The following NFATC3 variants were observed in gnomAD, a reference collection of about 807,000 sequenced individuals.
NFATC3 encodes nuclear factor of activated T cells 3, also known as nuclear factor of activated T-cells, cytoplasmic 3.
In NFATC3, 46 loss-of-function variants were observed where a neutral mutation model predicts 98.6. The observed-to-expected ratio is 0.47, with a 90% confidence interval of 0.37 to 0.60. The LOEUF is 0.60. NFATC3 is among the 20% of genes least tolerant of loss of function. The pLI, the probability that NFATC3 is intolerant of heterozygous loss-of-function variation, is 0.00. For missense variants in NFATC3, 1,256 were observed against 1,295.5 expected (o/e 0.97, Z 0.47); for synonymous variants, 512 against 472.2 (o/e 1.08, Z -1.09).
chr16:68,141,940 A>G (rs1477212527), intron 3 of NFATC3, among the ~76,000 whole-genome samples: 1 of 152,090 alleles, frequency 6.6e-6, no homozygotes, highest in East Asian at 1.9e-4. Flanking sequence ...TTATGGTTTC[A>G]GGTCTTTTAA....
chr16:68,184,631 G>A (rs947319733), intron 8 of NFATC3, among the ~76,000 whole-genome samples: 14 of 151,896 alleles, frequency 9.2e-5, no homozygotes, highest in Non-Finnish European at 7.4e-5. Flanking sequence ...GTGAAACCCC[G>A]TCTCTACTAA....
intron 9 of NFATC3, among the ~76,000 whole-genome samples, chr16:68,194,171 G>A (rs775086765): frequency 3.9e-4 from 59 of 152,188 alleles, no homozygotes; most frequent in Admixed American, 9.2e-4. Context: ...GCAGAACTGA[G>A]ACTGGTTCAA....
intron 3 of NFATC3, among the ~76,000 whole-genome samples, chr16:68,150,750 G>A (rs567107119): frequency 6.6e-6 from 1 of 152,128 alleles, no homozygotes; most frequent in Non-Finnish European, 1.5e-5. Flanking sequence ...TAATTCCCAC[G>A]TGTGAAGGGA....
chr16:68,227,808 A>T lies in NFATC3; in HGVS notation c.*1337A>T, dbSNP rs115082979. ...CCGAGTTGGGTACTTTAAAAAAAAA[A>T]AAAACCTGCCCTTACCCCTCTCCCT... On this transcript the variant is annotated 3_prime_UTR_variant, in exon 10 of 10. Transcript: ENST00000346183. 79 of 152,174 alleles carry T rather than the reference A, an allele frequency of 5.2e-4. No homozygotes were observed. The highest frequency in any genetic ancestry group is 1.9e-3 in the African/African-American group (77 of 41,536). 9.4% of individuals were successfully genotyped at this position (152,174 alleles called of 1,614,324 possible). A position where few individuals can be genotyped will look rare whatever the true frequency, so the allele number is the denominator to read the frequency against.
chr16:68,147,702 A>G (rs2038104322), intron 3 of NFATC3, among the ~76,000 whole-genome samples: 1 of 150,232 alleles, frequency 6.7e-6, no homozygotes. Context: ...CACTGAATAG[A>G]TGAATGTGAG....
At chr16:68,163,658 G>T (rs1450772591) in intron 4 of NFATC3, among the ~76,000 whole-genome samples, 1 of 149,258 alleles carries the variant, frequency 6.7e-6, no homozygotes, top group Non-Finnish European at 1.5e-5. Flanking sequence ...GGCAGCTGCC[G>T]GGCGGAGGGT....
intron 1 of NFATC3, chr16:68,089,679 T>A (rs1361226269): frequency 6.6e-6 from 1 of 152,220 alleles, no homozygotes; most frequent in African/African-American, 2.4e-5. Flanking sequence ...ATAGGAAATT[T>A]AAAATAGGTA....
intron 3 of NFATC3, among the ~76,000 whole-genome samples, chr16:68,140,039 C>T (rs542849001): frequency 9.2e-5 from 14 of 152,208 alleles, no homozygotes; most frequent in African/African-American, 3.4e-4. Context: ...TTCTGTCACC[C>T]AGGCTGGAGT....
intron 9 of NFATC3, among the ~76,000 whole-genome samples, chr16:68,203,035 T>C (rs1454197951): frequency 6.6e-6 from 1 of 152,028 alleles, no homozygotes; most frequent in Admixed American, 6.6e-5. Flanking sequence ...CAAACGTGTT[T>C]AGGATGAATG....
chr16:68,203,548 G>A (rs1598587677), intron 9 of NFATC3, among the ~76,000 whole-genome samples: 1 of 152,118 alleles, frequency 6.6e-6, no homozygotes, highest in Non-Finnish European at 1.5e-5. Context: ...TGGGAGGATC[G>A]CTGGAGCCTG....
intron 3 of NFATC3, among the ~76,000 whole-genome samples, chr16:68,129,044 A>G (rs542973290): frequency 6.2e-4 from 94 of 151,764 alleles, no homozygotes; most frequent in Non-Finnish European, 1.1e-3. Context: ...GCTGTGAGCT[A>G]CGATTGTGCC....
In NFATC3 at chr16:68,188,334, G is replaced by GC. The variant is rs1370124825; in HGVS notation, c.2099-2430dup. On this transcript the variant is annotated intron_variant, in intron 8 of 9. Coordinates refer to ENST00000346183, the MANE Select transcript of NFATC3 (RefSeq NM_173165.3). ...GATGGTGGGGCTTCTTCCTGCTACC[G>GC]CCCCTCTCCCCCCGCCAAGAGCGCA... Among the ~76,000 whole-genome samples the GC allele has an allele frequency of 2.6e-5, 4 of 152,138 alleles. No homozygotes were observed. In the East Asian group the frequency reaches 7.7e-4, roughly 29 times the overall value.
chr16:68,167,130 G>A, intron 5 of NFATC3, 115 bp downstream of exon 5: 2 of 1,089,512 alleles, frequency 1.8e-6, no homozygotes, highest in South Asian at 1.7e-5. Flanking sequence ...AATCTGGGTT[G>A]CTGGTTTGAT....
chr16:68,227,682 A>G lies in NFATC3; in HGVS notation c.*1211A>G, dbSNP rs2042063189. 1 of 151,946 alleles carries G rather than the reference A, an allele frequency of 6.6e-6. No individual in the cohort carries two copies. Among genetic ancestry groups the G allele is most frequent in the South Asian group, 2.1e-4 (1 of 4,816 alleles). 9.4% of individuals were successfully genotyped at this position (151,946 alleles called of 1,614,324 possible). On this transcript the variant is annotated 3_prime_UTR_variant, in exon 10 of 10. Coordinates refer to ENST00000346183, the MANE Select transcript of NFATC3 (RefSeq NM_173165.3). ...GAGCACATCCAGAAGTGATAACCTG[A>G]CCCTCCACACCAAAGACACCCTGGT...
chr16:68,165,517 C>T (rs1241956535), intron 4 of NFATC3, among the ~76,000 whole-genome samples: 1 of 151,626 alleles, frequency 6.6e-6, no homozygotes, highest in Non-Finnish European at 1.5e-5. Flanking sequence ...CTGCCTCAGC[C>T]TCCCAAGTAG....
At chr16:68,091,822 G>C (rs1270089134) in intron 1 of NFATC3, among the ~76,000 whole-genome samples, 1 of 152,184 alleles carries the variant, frequency 6.6e-6, no homozygotes, top group African/African-American at 2.4e-5. Context: ...CTTGGCAGTA[G>C]GCCTGGCTTC....
chr16:68,122,245 A>G lies in NFATC3; in HGVS notation c.362A>G (p.His121Arg). ...ATTACATCTATCTCTCCTAACTGTC[A>G]TCAAGAATTAGATGCACATGAAGAT... is the stretch of plus-strand genomic sequence containing the variant. ...IQITSISPNCHQELDAHEDDL... is the reference protein window; with the variant it reads ...IQITSISPNCRQELDAHEDDL... Residue 121 changes from histidine to arginine, a missense_variant, in exon 2 of 10, where the codon CAT becomes CGT. By Grantham distance (29) the His-to-Arg change is conservative (BLOSUM62 0). Transcript: ENST00000346183. The G allele has an allele frequency of 3.1e-6, 5 of 1,614,124 alleles. No individual in the cohort carries two copies. Among genetic ancestry groups the G allele is most frequent in the Non-Finnish European group, 4.2e-6 (5 of 1,180,010 alleles).
chr16:68,222,282 C>T (rs1234147969), intron 9 of NFATC3, among the ~76,000 whole-genome samples: 1 of 87,030 alleles, frequency 1.1e-5, no homozygotes, highest in Non-Finnish European at 2.1e-5. Flanking sequence ...GAGTGAGACC[C>T]CATTGCCAAA....
chr16:68,183,166 G>T, intron 7 of NFATC3, 74 bp from the exon 8 acceptor site: 1 of 1,462,072 alleles, frequency 6.8e-7, no homozygotes. Context: ...TAAGACTCAT[G>T]AGTTGTGATG....
Sources: gnomAD v4.1 joint callset for allele counts (sites outside exome capture counted in the v4.1 genomes callset) on GRCh38, gnomAD v4.1.1 for gene constraint, MANE v1.5 for transcripts, NCBI Gene and HGNC (gene_info 2026-07-23, HGNC 2026-07-21) for gene names.